Variants in SLC24A2 observed in about 807,000 individuals in gnomAD.
SLC24A2 encodes the protein solute carrier family 24 member 2.
In SLC24A2, 36 loss-of-function variants were observed where a neutral mutation model predicts 62.0. The ratio of observed to expected loss-of-function variants is 0.58; its 90% CI spans 0.44 to 0.77. SLC24A2 has a LOEUF of 0.77. SLC24A2 is among the 30% of genes least tolerant of loss of function. The pLI, the probability that SLC24A2 is intolerant of heterozygous loss-of-function variation, is 0.00. For synonymous variants in SLC24A2, 358 were observed against 294.0 expected (o/e 1.22, Z -2.23); for missense variants, 846 against 817.9 (o/e 1.03, Z -0.42).
chr9:19,522,476 G>C (rs897307277), intron 9 of SLC24A2, among the ~76,000 whole-genome samples: 1 of 152,146 alleles, frequency 6.6e-6, no homozygotes, highest in Non-Finnish European at 1.5e-5. Flanking sequence ...TTAGGGAATA[G>C]AATACACTCA....
chr9:20,061,770 G>T, the SLC24A2 span, among the ~76,000 whole-genome samples: 1 of 151,936 alleles, frequency 6.6e-6, no homozygotes, highest in Non-Finnish European at 1.5e-5. Context: ...TACGGCCTTT[G>T]GTTAGTCAAG....
At chr9:20,302,471 C>G in the SLC24A2 span, among the ~76,000 whole-genome samples, 2 of 152,136 alleles carry the variant, frequency 1.3e-5, no homozygotes, top group African/African-American at 2.4e-5. Context: ...TTGCATTTCC[C>G]TAATGACAGT....
the SLC24A2 span, among the ~76,000 whole-genome samples, chr9:19,871,109 G>A: frequency 6.6e-6 from 1 of 151,938 alleles, no homozygotes; most frequent in Non-Finnish European, 1.5e-5. Context: ...GAGTTTTATA[G>A]TTTTGGCTTT....
At chr9:19,558,456 A>G (rs1224657865) in intron 7 of SLC24A2, among the ~76,000 whole-genome samples, 1 of 152,214 alleles carries the variant, frequency 6.6e-6, no homozygotes, top group East Asian at 1.9e-4. Flanking sequence ...AACCAAGTGC[A>G]CTATGGCCAA....
the SLC24A2 span, among the ~76,000 whole-genome samples, chr9:20,139,519 G>A: frequency 6.6e-6 from 1 of 152,236 alleles, no homozygotes; most frequent in African/African-American, 2.4e-5. Flanking sequence ...ACACTGTACA[G>A]AGAATTCCAA....
chr9:19,788,636 C>T, intron 1 of SLC24A2: 27 of 985,480 alleles, frequency 2.7e-5, no homozygotes, highest in Non-Finnish European at 3.3e-5. Flanking sequence ...GCGCGTCTCC[C>T]CCGACGGCAG....
At chr9:20,265,217 G>A in the SLC24A2 span, among the ~76,000 whole-genome samples, 1 of 152,210 alleles carries the variant, frequency 6.6e-6, no homozygotes, top group Non-Finnish European at 1.5e-5. Context: ...AGCCGGCAGT[G>A]GGTGAACAGA....
chr9:19,982,210 A>G, the SLC24A2 span, among the ~76,000 whole-genome samples: 1 of 152,222 alleles, frequency 6.6e-6, no homozygotes, highest in Admixed American at 6.5e-5. Context: ...GTGTACAATG[A>G]CACAGAGGCC....
the SLC24A2 span, among the ~76,000 whole-genome samples, chr9:20,208,759 AAG>A: frequency 1.3e-5 from 2 of 152,194 alleles, no homozygotes; most frequent in African/African-American, 2.4e-5. Context: ...AACATAACTC[AAG>A]AGAGTCATGA....
the SLC24A2 span, among the ~76,000 whole-genome samples, chr9:20,019,153 GAAAGA>G: frequency 7.6e-6 from 1 of 130,848 alleles, no homozygotes; most frequent in Admixed American, 7.7e-5. Flanking sequence ...AAGAAAGAAA[GAAAGA>G]GAGAGAGACA....
chr9:19,878,980 G>T, the SLC24A2 span, among the ~76,000 whole-genome samples: 1 of 152,024 alleles, frequency 6.6e-6, no homozygotes, highest in Non-Finnish European at 1.5e-5. Context: ...AAACATGTTG[G>T]ACTTCTCTTT....
chr9:20,293,322 CCCAAAGAGGGCCT>C, the SLC24A2 span, among the ~76,000 whole-genome samples: 1 of 152,174 alleles, frequency 6.6e-6, no homozygotes, highest in East Asian at 1.9e-4. Flanking sequence ...AGGGTTGGCT[CCCAAAGAGGGCCT>C]CATCTAAGAG....
chr9:20,185,554 A>G, the SLC24A2 span, among the ~76,000 whole-genome samples: 3 of 150,758 alleles, frequency 2.0e-5, no homozygotes, highest in Non-Finnish European at 4.4e-5. Context: ...AGTCCCAGCT[A>G]TTCGGGAGGC....
the SLC24A2 span, among the ~76,000 whole-genome samples, chr9:19,865,952 G>A: frequency 0.03 from 4,523 of 152,262 alleles, 256 homozygotes; most frequent in African/African-American, 0.1. Flanking sequence ...CTAGCCATCT[G>A]ACAAGGGAAT....
chr9:19,518,580 C>T (rs559245787), intron 10 of SLC24A2, among the ~76,000 whole-genome samples: 19 of 152,058 alleles, frequency 1.2e-4, no homozygotes, highest in Admixed American at 5.2e-4. Flanking sequence ...CGCCACCATT[C>T]GTAGATAATT....
At chr9:20,081,435 A>G in the SLC24A2 span, among the ~76,000 whole-genome samples, 1 of 133,118 alleles carries the variant, frequency 7.5e-6, no homozygotes, top group Non-Finnish European at 1.5e-5. Flanking sequence ...CAATGAGAAC[A>G]CTTGGGCACA....
chr9:19,919,960 C>T, the SLC24A2 span, among the ~76,000 whole-genome samples: 5 of 152,040 alleles, frequency 3.3e-5, no homozygotes, highest in Admixed American at 1.3e-4. Context: ...ATATCAGAGC[C>T]CAATATATTC....
At chr9:19,733,876 T>C (rs1285488487) in intron 2 of SLC24A2, among the ~76,000 whole-genome samples, 1 of 152,118 alleles carries the variant, frequency 6.6e-6, no homozygotes, top group Non-Finnish European at 1.5e-5. Flanking sequence ...TATATTCTAA[T>C]GCTACAGATG....
chr9:19,852,659 A>T, the SLC24A2 span, among the ~76,000 whole-genome samples: 3 of 151,984 alleles, frequency 2.0e-5, no homozygotes, highest in African/African-American at 7.2e-5. Flanking sequence ...TGAGTTTTCT[A>T]TTCTGTTCCA....
Sources: allele counts gnomAD v4.1 joint callset (sites outside exome capture counted in the v4.1 genomes callset), GRCh38; gene constraint gnomAD v4.1.1; transcripts MANE v1.5; gene names NCBI Gene and HGNC (gene_info 2026-07-23, HGNC 2026-07-21).